Variants in MYO3A observed in about 807,000 individuals in gnomAD.
MYO3A encodes the protein myosin-IIIa.
MYO3A carries 180 observed loss-of-function variants against 192.7 expected under a neutral mutation model. That is an observed-to-expected ratio of 0.93 (90% CI 0.83 to 1.06). The LOEUF is 1.06. MYO3A is among the 50% of genes least tolerant of loss of function. The pLI is 0.00. For synonymous variants in MYO3A, 628 were observed against 645.3 expected (o/e 0.97, Z 0.41); for missense variants, 1,896 against 1,905.0 (o/e 1.00, Z 0.09).
intron 14 of MYO3A, among the ~76,000 whole-genome samples, chr10:26,078,246 G>C (rs1419771233): frequency 1.3e-5 from 2 of 151,396 alleles, no homozygotes; most frequent in African/African-American, 4.8e-5. Context: ...TATTTTTCCA[G>C]GAATTTATTC....
chr10:26,026,643 T>C (rs1842560142), intron 10 of MYO3A, 111 bp downstream of exon 10: 1 of 1,269,706 alleles, frequency 7.9e-7, no homozygotes, highest in African/African-American at 1.5e-5. Context: ...AATGGGGACT[T>C]ACATGAAAAG....
chr10:26,200,008 G>A (rs1167705124), intron 32 of MYO3A, among the ~76,000 whole-genome samples: 1 of 152,164 alleles, frequency 6.6e-6, no homozygotes, highest in Non-Finnish European at 1.5e-5. Flanking sequence ...TTCCTATGCA[G>A]GCAATGTAAT....
At chr10:25,934,758 G>A (rs1480068876) in intron 1 of MYO3A, among the ~76,000 whole-genome samples, 1 of 151,064 alleles carries the variant, frequency 6.6e-6, no homozygotes, top group African/African-American at 2.4e-5. Flanking sequence ...GAACGCGAGG[G>A]GATAGTGAGG....
At chr10:26,154,190 T>C (rs1353223214) in intron 24 of MYO3A, among the ~76,000 whole-genome samples, 1 of 152,176 alleles carries the variant, frequency 6.6e-6, no homozygotes, top group African/African-American at 2.4e-5. Flanking sequence ...TGTTTGTTTG[T>C]TTGTTTTTGA....
chr10:25,944,042 A>G (rs962429787), intron 2 of MYO3A, among the ~76,000 whole-genome samples: 9 of 152,042 alleles, frequency 5.9e-5, no homozygotes, highest in African/African-American at 1.7e-4. Flanking sequence ...CAGGCTTTTT[A>G]TAAATGGTTA....
At chr10:26,054,381 A>G (rs1358863290) in intron 10 of MYO3A, among the ~76,000 whole-genome samples, 1 of 152,184 alleles carries the variant, frequency 6.6e-6, no homozygotes, top group Non-Finnish European at 1.5e-5. Flanking sequence ...TCACCCATGT[A>G]TTCAATCAGC....
At chr10:26,121,750 C>G (rs1838872153) in intron 18 of MYO3A, among the ~76,000 whole-genome samples, 1 of 152,138 alleles carries the variant, frequency 6.6e-6, no homozygotes, top group South Asian at 2.1e-4. Flanking sequence ...GACTCTGTCT[C>G]AAAACACACA....
At chr10:26,207,611 C>T (rs941155154) in intron 34 of MYO3A, among the ~76,000 whole-genome samples, 1 of 152,110 alleles carries the variant, frequency 6.6e-6, no homozygotes, top group Non-Finnish European at 1.5e-5. Context: ...TATTTCTGGG[C>T]TCTCTATTCT....
At chr10:25,951,980 T>C in intron 2 of MYO3A, 114 bp from the exon 3 acceptor site, 1 of 737,908 alleles carries the variant, frequency 1.4e-6, no homozygotes, top group South Asian at 1.7e-5. Flanking sequence ...GTTTGGTTGC[T>C]GTTGAATATT....
intron 10 of MYO3A, among the ~76,000 whole-genome samples, chr10:26,039,079 T>C (rs1843187664): frequency 6.6e-6 from 1 of 152,028 alleles, no homozygotes; most frequent in South Asian, 2.1e-4. Context: ...TCGCTCTTGT[T>C]GCCCAGGCTG....
rs1480191156 is a variant in MYO3A, at chr10:26,007,667, A to G, written c.509-9153A>G. ...AGAGAATAAAATACCTAGGAATCCAACTTACAAGGGATGTAAAGGACCTCT... is the reference window on the plus strand; with the variant it reads ...AGAGAATAAAATACCTAGGAATCCAGCTTACAAGGGATGTAAAGGACCTCT... On this transcript the variant is annotated intron_variant, in intron 6 of 34. Coordinates refer to ENST00000642920, the MANE Select transcript of MYO3A (RefSeq NM_017433.5). 2.0e-5 allele frequency among the ~76,000 whole-genome samples: 3 copies of G among 151,782 alleles called. No homozygotes were observed. In the East Asian group the frequency reaches 5.8e-4, roughly 29 times the overall value.
At chr10:26,188,353 T>G (rs1842962847) in intron 31 of MYO3A, among the ~76,000 whole-genome samples, 1 of 152,228 alleles carries the variant, frequency 6.6e-6, no homozygotes, top group African/African-American at 2.4e-5. Flanking sequence ...GTTTTTTTCT[T>G]GTAAATTTGT....
chr10:26,129,187 T>G (rs1199200340), intron 20 of MYO3A, among the ~76,000 whole-genome samples: 1 of 152,238 alleles, frequency 6.6e-6, no homozygotes, highest in Non-Finnish European at 1.5e-5. Flanking sequence ...TTATATTGTT[T>G]TGCATTTAAA....
chr10:26,087,906 GT>G (rs1281167814), intron 14 of MYO3A, among the ~76,000 whole-genome samples: 6 of 152,332 alleles, frequency 3.9e-5, no homozygotes. Context: ...AGAATGACAG[GT>G]GTACTTCAAT....
intron 4 of MYO3A, among the ~76,000 whole-genome samples, chr10:25,990,226 A>G (rs1466625684): frequency 1.3e-5 from 2 of 152,118 alleles, no homozygotes; most frequent in Non-Finnish European, 2.9e-5. Context: ...GGGAAGGAGG[A>G]TGCCAAAGTA....
intron 6 of MYO3A, among the ~76,000 whole-genome samples, chr10:26,011,371 A>G (rs1841647830): frequency 6.6e-6 from 1 of 152,128 alleles, no homozygotes; most frequent in African/African-American, 2.4e-5. Flanking sequence ...GAAATTGAGG[A>G]TGCAGTGAGC....
Position 26,176,736 on chromosome 10 carries a change from G to GAA in MYO3A, c.4334_4335dup (p.Leu1446AsnfsTer2). On this transcript the variant is annotated frameshift_variant, in exon 31 of 35. Coordinates refer to ENST00000642920, the MANE Select transcript of MYO3A (RefSeq NM_017433.5). LOFTEE classifies it high-confidence loss of function. ...TATCTGAAGAATATTTCATTCTGCA[G>GAA]AAAAAATTGAATGAAATGATTTTGT... The GAA allele has an allele frequency of 6.2e-7, 1 of 1,611,180 alleles. No individual in the cohort carries two copies. Among genetic ancestry groups the GAA allele is most frequent in the Non-Finnish European group, 8.5e-7 (1 of 1,177,412 alleles).
chr10:26,104,628 CT>C (rs1213585785), intron 17 of MYO3A, among the ~76,000 whole-genome samples: 1 of 151,892 alleles, frequency 6.6e-6, no homozygotes, highest in African/African-American at 2.4e-5. Context: ...CAACTTTGTT[CT>C]TTTTTTAAAA....
At chr10:25,965,818 T>C (rs1394087044) in intron 4 of MYO3A, among the ~76,000 whole-genome samples, 1 of 151,932 alleles carries the variant, frequency 6.6e-6, no homozygotes, top group Admixed American at 6.5e-5. Context: ...TCCTTTCTGC[T>C]CTAACAGGAC....
Sources: gnomAD v4.1 joint callset for allele counts (sites outside exome capture counted in the v4.1 genomes callset) on GRCh38, gnomAD v4.1.1 for gene constraint, MANE v1.5 for transcripts, NCBI Gene and HGNC (gene_info 2026-07-23, HGNC 2026-07-21) for gene names.